Variants in MAST2 observed in about 807,000 individuals in gnomAD.
MAST2 encodes microtubule associated serine/threonine kinase 2.
Under a neutral mutation model 147.4 loss-of-function variants are expected in MAST2, and 70 were observed. The observed-to-expected ratio is 0.47, with a 90% confidence interval of 0.39 to 0.58. The LOEUF (loss-of-function observed/expected upper bound fraction) is 0.58, where lower values mean the gene tolerates loss of function less well. Among genes scored for constraint, MAST2 ranks in the 20% least tolerant of loss-of-function variants. The probability of loss-of-function intolerance (pLI) is 0.00; values close to 1 mark genes in which losing one functional copy is unlikely to be tolerated. For synonymous variants in MAST2, 869 were observed against 896.8 expected (o/e 0.97, Z 0.55); for missense variants, 2,080 against 2,302.3 (o/e 0.90, Z 1.98).
intron 8 of MAST2, among the ~76,000 whole-genome samples, chr1:46,007,224 G>A (rs1645522870): frequency 6.6e-6 from 1 of 152,176 alleles, no homozygotes; most frequent in African/African-American, 2.4e-5. Flanking sequence ...TGCAGGGTAG[G>A]ATCCCAGAGG....
intron 4 of MAST2, among the ~76,000 whole-genome samples, chr1:45,947,831 C>T (rs1435076483): frequency 1.3e-5 from 2 of 152,346 alleles, no homozygotes. Flanking sequence ...ATTCTTCTGC[C>T]TCAGCCTCCC....
chr1:45,965,851 C>T (rs1479197983), intron 5 of MAST2, among the ~76,000 whole-genome samples: 1 of 152,058 alleles, frequency 6.6e-6, no homozygotes, highest in Non-Finnish European at 1.5e-5. Context: ...TACCAGAGTG[C>T]TACATTTGTT....
At chr1:46,014,125 T>G (rs533206721) in intron 10 of MAST2, among the ~76,000 whole-genome samples, 6 of 152,196 alleles carry the variant, frequency 3.9e-5, no homozygotes, top group Admixed American at 1.3e-4. Context: ...TAATTATATC[T>G]TCGTTTTCAT....
intron 5 of MAST2, among the ~76,000 whole-genome samples, chr1:45,987,776 G>GTTTTTTTTTTTTTTTT (rs1644692974): frequency 2.2e-3 from 68 of 30,688 alleles, no homozygotes; most frequent in Non-Finnish European, 2.7e-3. Context: ...TTTTTTTTTT[G>GTTTTTTTTTTTTTTTT]ATTTTTTTTT....
intron 5 of MAST2, among the ~76,000 whole-genome samples, chr1:45,966,207 T>C (rs562224023): frequency 6.6e-6 from 1 of 152,316 alleles, no homozygotes; most frequent in South Asian, 2.1e-4. Context: ...CTCATTTCTT[T>C]CTGAATAATA....
chr1:45,875,210 C>A (rs571165885), intron 3 of MAST2, among the ~76,000 whole-genome samples: 31 of 152,304 alleles, frequency 2.0e-4, no homozygotes, highest in African/African-American at 7.5e-4. Flanking sequence ...CTTTGGGCGA[C>A]CGAGGTAGGT....
intron 1 of MAST2, among the ~76,000 whole-genome samples, chr1:45,817,071 C>T (rs1213664857): frequency 2.0e-5 from 3 of 152,120 alleles, no homozygotes; most frequent in African/African-American, 7.2e-5. Flanking sequence ...GAATAAAAAG[C>T]ATGCCTACAA....
In MAST2 at chr1:45,967,851, C is replaced by T. The variant is rs923910256; in HGVS notation, c.592+8374C>T. ...CTTTGCCTTATGATGGCAAAATACACCTAAATCCTCTCTTCAGTACCTTGT... is the reference window on the plus strand; with the variant it reads ...CTTTGCCTTATGATGGCAAAATACATCTAAATCCTCTCTTCAGTACCTTGT... On this transcript the variant is annotated intron_variant, in intron 5 of 28. Coordinates refer to ENST00000361297, the MANE Select transcript of MAST2 (RefSeq NM_015112.3). Among the ~76,000 whole-genome samples, 15 of 152,204 alleles carry T rather than the reference C, an allele frequency of 9.9e-5. 1 individual carries two copies. The highest frequency in any genetic ancestry group is 1.3e-4 in the Non-Finnish European group (9 of 68,036).
chr1:45,913,668 G>T (rs1425181562), intron 4 of MAST2: 3 of 1,020,792 alleles, frequency 2.9e-6, no homozygotes, highest in Non-Finnish European at 3.5e-6. Context: ...GATGGGAGGG[G>T]TGTTCTGAAG....
intron 3 of MAST2, among the ~76,000 whole-genome samples, chr1:45,880,308 T>C (rs564332184): frequency 6.6e-6 from 1 of 152,358 alleles, no homozygotes; most frequent in South Asian, 2.1e-4. Flanking sequence ...AAAAGGTTTA[T>C]ATTTGTATGG....
chr1:45,996,377 A>G (rs572201049), intron 5 of MAST2, among the ~76,000 whole-genome samples: 2 of 152,214 alleles, frequency 1.3e-5, no homozygotes, highest in East Asian at 3.9e-4. Flanking sequence ...TTTTTTTTAA[A>G]AAAATAAGCT....
intron 1 of MAST2, among the ~76,000 whole-genome samples, chr1:45,816,201 G>C (rs892372565): frequency 1.4e-5 from 2 of 142,934 alleles, no homozygotes; most frequent in East Asian, 2.2e-4. Context: ...TATTGGGGGT[G>C]GGGGGGAGAG....
chr1:45,847,406 C>G (rs1645473709), intron 3 of MAST2: 4 of 540,956 alleles, frequency 7.4e-6, no homozygotes, highest in Non-Finnish European at 1.1e-5. Flanking sequence ...GTTTGAATAT[C>G]TTTTTTTGGG....
Position 46,029,735 on chromosome 1 carries a change from G to T in MAST2, c.2321-96G>T, listed in dbSNP as rs1646561945. 10 of 1,487,450 alleles carry T rather than the reference G, an allele frequency of 6.7e-6. No homozygotes were observed. The Admixed American group carries it at 1.6e-4, about 24-fold the overall frequency. The allele number at this position is 1,487,450 out of a possible 1,614,324, so 92.1% of individuals were successfully genotyped here. On this transcript the variant is annotated intron_variant, in intron 19 of 28. Transcript: ENST00000361297. ...GAAGATGCTTGAGCTGATCCCCTAG[G>T]TATAGCTTCTGAAGGTCTGGCTTCT...
At chr1:46,012,808 AAC>A (rs1645768997) in intron 10 of MAST2, among the ~76,000 whole-genome samples, 1 of 151,330 alleles carries the variant, frequency 6.6e-6, no homozygotes, top group African/African-American at 2.4e-5. Context: ...CAGCCTGAGC[AAC>A]AAAGTGAGAC....
intron 5 of MAST2, among the ~76,000 whole-genome samples, chr1:45,964,072 G>C (rs1292718692): frequency 2.0e-5 from 3 of 152,208 alleles, no homozygotes; most frequent in Non-Finnish European, 2.9e-5. Context: ...AAGCCCACTT[G>C]ATCATGGTGG....
chr1:45,993,808 G>A (rs1332461570), intron 5 of MAST2, among the ~76,000 whole-genome samples: 2 of 152,050 alleles, frequency 1.3e-5, no homozygotes, highest in African/African-American at 2.4e-5. Flanking sequence ...GCAGAAGTTT[G>A]GGGGTTCCCA....
intron 2 of MAST2, among the ~76,000 whole-genome samples, chr1:45,828,905 CAGTG>C (rs1260308201): frequency 6.6e-6 from 1 of 151,400 alleles, no homozygotes; most frequent in Non-Finnish European, 1.5e-5. Context: ...GCCTGGGCGA[CAGTG>C]AGTGACACTC....
At chr1:45,860,099 T>C (rs935253025) in intron 3 of MAST2, among the ~76,000 whole-genome samples, 2 of 152,120 alleles carry the variant, frequency 1.3e-5, no homozygotes, top group Non-Finnish European at 2.9e-5. Context: ...GGCTCATGCC[T>C]GCAATCCTGA....
Sources: gnomAD v4.1 joint callset for allele counts (sites outside exome capture counted in the v4.1 genomes callset) on GRCh38, gnomAD v4.1.1 for gene constraint, MANE v1.5 for transcripts, NCBI Gene and HGNC (gene_info 2026-07-23, HGNC 2026-07-21) for gene names.